The following SLC36A2 variants were observed in gnomAD, a reference collection of about 807,000 sequenced individuals.
SLC36A2 encodes solute carrier family 36 member 2.
A neutral mutation model predicts 42.7 loss-of-function variants in SLC36A2; 39 were observed. The observed-to-expected ratio is 0.91, with a 90% CI of 0.71 to 1.19. The LOEUF is 1.19. Ranked by LOEUF, SLC36A2 falls within the 50% of genes most tolerant of loss-of-function variation. The pLI is 0.00. For synonymous variants in SLC36A2, 237 were observed against 240.8 expected, an observed-to-expected ratio of 0.98 and a Z score of 0.15; for missense variants, 590 against 613.7, an observed-to-expected ratio of 0.96 and a Z score of 0.41.
rs560631112 is a variant in SLC36A2, at chr5:151,316,575, T to C, written c.*242A>G. 1.3e-5 allele frequency: 6 copies of C among 461,726 alleles called. No homozygotes were observed. The highest frequency in any genetic ancestry group is 1.2e-4 in the African/African-American group (6 of 50,526). 28.6% of individuals were successfully genotyped at this position (461,726 alleles called of 1,614,324 possible). ...GACCAACATGGAGAAACCCCGTCTCTACTAAAAATACAAAATTAGCCAGGC... is the reference window on the plus strand; with the variant it reads ...GACCAACATGGAGAAACCCCGTCTCCACTAAAAATACAAAATTAGCCAGGC... On this transcript the variant is annotated 3_prime_UTR_variant, in exon 10 of 10. Transcript: ENST00000335244.
chr5:151,347,223 C>G, intron 1 of SLC36A2, 74 bp downstream of exon 1: 1 of 1,575,128 alleles, frequency 6.3e-7, no homozygotes, highest in Non-Finnish European at 8.7e-7. Context: ...TCAGACACAC[C>G]CACCTCAGGG....
intron 4 of SLC36A2, among the ~76,000 whole-genome samples, chr5:151,340,865 C>G (rs1756325726): frequency 6.6e-6 from 1 of 152,216 alleles, no homozygotes; most frequent in South Asian, 2.1e-4. Flanking sequence ...TTGCTCGTTG[C>G]AGTAGACCCA....
chr5:151,325,444 A>G lies in SLC36A2; in HGVS notation c.852T>C (p.Pro284=). The change falls in exon 8 of 10, where the codon CCT becomes CCC. Residue 284 remains proline, a synonymous_variant. Transcript: ENST00000335244. Reference sequence around the variant, plus strand: ...GGGCATTCTTCATCTTGTTTTCCAGAGGCAGAACCTACAGAAACATCACAA... The same window carrying G: ...GGGCATTCTTCATCTTGTTTTCCAGGGGCAGAACCTACAGAAACATCACAA... ...FSFESIGVVL[P]LENKMKNARH... is the part of the protein sequence containing the mutation. 6.2e-7 allele frequency: 1 copy of G among 1,614,100 alleles called. No homozygotes were observed. The highest frequency in any genetic ancestry group is 8.5e-7 in the Non-Finnish European group (1 of 1,180,028).
At chr5:151,341,266 C>G (rs1318685575) in intron 4 of SLC36A2, among the ~76,000 whole-genome samples, 2 of 152,198 alleles carry the variant, frequency 1.3e-5, no homozygotes, top group African/African-American at 4.8e-5. Flanking sequence ...AAGTCTCCTC[C>G]TGGGTCACAC....
intron 7 of SLC36A2, among the ~76,000 whole-genome samples, chr5:151,330,686 T>C (rs551244291): frequency 1.3e-5 from 2 of 152,364 alleles, no homozygotes; most frequent in Non-Finnish European, 2.9e-5. Flanking sequence ...ACAAGGACTA[T>C]GCATGACTAT....
chr5:151,344,781 C>G (rs575562329), intron 1 of SLC36A2, among the ~76,000 whole-genome samples: 1 of 152,220 alleles, frequency 6.6e-6, no homozygotes, highest in South Asian at 2.1e-4. Flanking sequence ...AATGAAGGCT[C>G]AGAGAGGGGC....
At chr5:151,346,147 C>T (rs144214604) in intron 1 of SLC36A2, among the ~76,000 whole-genome samples, 17 of 152,328 alleles carry the variant, frequency 1.1e-4, no homozygotes, top group Middle Eastern at 3.4e-3. Flanking sequence ...AACCTTGTAT[C>T]AGTTCAGGAC....
At chr5:151,321,968 G>C in intron 9 of SLC36A2, 78 bp downstream of exon 9, 1 of 1,577,146 alleles carries the variant, frequency 6.3e-7, no homozygotes, top group Non-Finnish European at 8.7e-7. Flanking sequence ...GTAAGCCAAT[G>C]CATCCGGCCC....
chr5:151,344,079 A>G (rs1442353452), intron 2 of SLC36A2, 98 bp downstream of exon 2: 3 of 1,119,384 alleles, frequency 2.7e-6, no homozygotes, highest in Non-Finnish European at 4.0e-6. Flanking sequence ...GTGTCCCAGA[A>G]AGACTGCTCA....
chr5:151,324,261 G>A (rs1332669074), intron 8 of SLC36A2, among the ~76,000 whole-genome samples: 1 of 152,114 alleles, frequency 6.6e-6, no homozygotes, highest in Non-Finnish European at 1.5e-5. Flanking sequence ...TCCTGCCTCA[G>A]CCTCCTGAGT....
chr5:151,326,784 A>T (rs917213575), intron 7 of SLC36A2, among the ~76,000 whole-genome samples: 2 of 147,300 alleles, frequency 1.4e-5, no homozygotes, highest in Non-Finnish European at 1.5e-5. Flanking sequence ...CTGTTTTCTT[A>T]TCTGAAAACG....
At chr5:151,343,458 C>A in intron 3 of SLC36A2, 52 bp downstream of exon 3, 1 of 1,544,820 alleles carries the variant, frequency 6.5e-7, no homozygotes, top group South Asian at 1.1e-5. Flanking sequence ...TCTGGGCTAT[C>A]CCTGAGAACC....
Position 151,335,435 on chromosome 5 carries a change from A to G in SLC36A2, c.638T>C (p.Val213Ala). 1.2e-6 allele frequency: 2 copies of G among 1,614,134 alleles called. No individual in the cohort carries two copies. Among genetic ancestry groups the G allele is most frequent in the Non-Finnish European group, 1.7e-6 (2 of 1,179,998 alleles). Residue 213 changes from valine to alanine, a missense_variant, in exon 6 of 10, where the codon GTG (valine) becomes GCG (alanine). Val to Ala is a moderately conservative substitution (Grantham distance 64, BLOSUM62 0). Coordinates refer to ENST00000335244, the MANE Select transcript of SLC36A2 (RefSeq NM_181776.3). ...LYMLSFLPFL[V>A]LLVLIRNLRI... Reference sequence around the variant, plus strand: ...GAGGTTCCGGATGAGGACCAGCAGCACCAGGAAGGGCAGGAAGGAGAGCAT... The same window carrying G: ...GAGGTTCCGGATGAGGACCAGCAGCGCCAGGAAGGGCAGGAAGGAGAGCAT...
chr5:151,328,379 A>G (rs960581950), intron 7 of SLC36A2, among the ~76,000 whole-genome samples: 1 of 152,258 alleles, frequency 6.6e-6, no homozygotes, highest in Non-Finnish European at 1.5e-5. Flanking sequence ...TCTTCTTCCC[A>G]TACATCCTAG....
intron 8 of SLC36A2, among the ~76,000 whole-genome samples, chr5:151,322,692 G>A (rs766901120): frequency 2.0e-5 from 3 of 152,136 alleles, no homozygotes; most frequent in Admixed American, 1.3e-4. Context: ...GCCTCTAGTT[G>A]AGAGAACTGC....
At chr5:151,334,904 AAAT>A (rs1036824008) in intron 6 of SLC36A2, among the ~76,000 whole-genome samples, 2 of 151,992 alleles carry the variant, frequency 1.3e-5, no homozygotes, top group Admixed American at 1.3e-4. Flanking sequence ...CTCTGTGACT[AAAT>A]ATTAGATTTT....
intron 4 of SLC36A2, among the ~76,000 whole-genome samples, chr5:151,342,260 C>T (rs1303688149): frequency 6.6e-6 from 1 of 152,160 alleles, no homozygotes; most frequent in Non-Finnish European, 1.5e-5. Context: ...GCTACCTGGT[C>T]TTGTTGTACC....
intron 4 of SLC36A2, among the ~76,000 whole-genome samples, chr5:151,340,158 GGAAGAA>G (rs879437988): frequency 0.21 from 25,838 of 121,526 alleles, 6,776 homozygotes; most frequent in African/African-American, 0.59. Context: ...AGAAGGAGGA[GGAAGAA>G]GAGGAAGGAG....
At chr5:151,321,993 T>C in intron 9 of SLC36A2, 53 bp downstream of exon 9, 1 of 1,611,260 alleles carries the variant, frequency 6.2e-7, no homozygotes, top group Non-Finnish European at 8.5e-7. Flanking sequence ...GGCTGATTCT[T>C]TATAGCCCTC....
Sources: gnomAD v4.1 joint callset for allele counts (sites outside exome capture counted in the v4.1 genomes callset) on GRCh38, gnomAD v4.1.1 for gene constraint, MANE v1.5 for transcripts, NCBI Gene and HGNC (gene_info 2026-07-23, HGNC 2026-07-21) for gene names.